The following DACH2 variants were observed in gnomAD, a reference collection of about 807,000 sequenced individuals.
DACH2 encodes dachshund family transcription factor 2, also known as dachshund homolog 2.
In DACH2, 17 loss-of-function variants were observed where a neutral mutation model predicts 35.8. That is an observed-to-expected ratio of 0.48 (90% CI 0.33 to 0.71). DACH2 has a LOEUF of 0.71. Among genes scored for constraint, DACH2 ranks in the 30% least tolerant of loss-of-function variants. The pLI is 0.02. For synonymous variants in DACH2, 195 were observed against 177.3 expected (o/e 1.10, Z -0.79); for missense variants, 469 against 472.7 (o/e 0.99, Z 0.07).
intron 7 of DACH2, among the ~76,000 whole-genome samples, chrX:86,759,184 G>C (rs146509772): frequency 0.029 from 3,217 of 111,052 alleles, 121 homozygotes; most frequent in African/African-American, 0.1. Context: ...TTTCTGTCTA[G>C]GTGATCTGTC....
chrX:86,247,232 A>G (rs933801877), intron 1 of DACH2, among the ~76,000 whole-genome samples: 1 of 111,509 alleles, frequency 9.0e-6, no homozygotes, highest in East Asian at 2.8e-4. Context: ...ACAATTGTGT[A>G]CCAACCCTAA....
chrX:86,300,222 T>G lies in DACH2; in HGVS notation c.489-76602T>G, dbSNP rs1042783097. 7.3e-5 allele frequency among the ~76,000 whole-genome samples: 8 copies of G among 110,241 alleles called. No individual in the cohort carries two copies. In the Admixed American group the frequency reaches 7.7e-4, roughly 11 times the overall value. ...ATGAAGAACCTTGAAGGAACTGAACTTTACTTCTTTGCGAAAAAAAAAATT... is the reference window on the plus strand; with the variant it reads ...ATGAAGAACCTTGAAGGAACTGAACGTTACTTCTTTGCGAAAAAAAAAATT... On this transcript the variant is annotated intron_variant, in intron 1 of 11. Coordinates refer to ENST00000373125, the MANE Select transcript of DACH2 (RefSeq NM_053281.3).
intron 7 of DACH2, among the ~76,000 whole-genome samples, chrX:86,794,380 T>C (rs1220474398): frequency 9.0e-6 from 1 of 110,934 alleles, no homozygotes; most frequent in Non-Finnish European, 1.9e-5. Context: ...TACATCTTAA[T>C]TTTAGTAGGA....
rs2039812515 is a variant in DACH2, at chrX:86,603,164, TC to T, written c.641-47871del. On this transcript the variant is annotated intron_variant, in intron 3 of 11. Transcript: ENST00000373125. ...TGGTTTGTAAGTGGCCTTTTCTTTT[TC>T]ATATTGTTTTTCCTCTATGTGTGCC... Among the ~76,000 whole-genome samples the T allele has an allele frequency of 2.7e-5, 3 of 111,124 alleles. No individual in the cohort carries two copies. The Admixed American group carries it at 2.9e-4, about 11-fold the overall frequency.
chrX:86,746,999 C>A (rs2041719585), intron 7 of DACH2, among the ~76,000 whole-genome samples: 1 of 111,720 alleles, frequency 9.0e-6, no homozygotes, highest in African/African-American at 3.2e-5. Flanking sequence ...AAAATCACTT[C>A]TCTGTAAAAT....
chrX:86,429,395 A>G (rs1040800597), intron 2 of DACH2, among the ~76,000 whole-genome samples: 3 of 111,425 alleles, frequency 2.7e-5, no homozygotes, highest in African/African-American at 9.8e-5. Context: ...ATGGGAAAAG[A>G]AAAGCACTTG....
intron 1 of DACH2, among the ~76,000 whole-genome samples, chrX:86,261,802 G>A (rs1200604453): frequency 9.0e-6 from 1 of 111,249 alleles, no homozygotes; most frequent in Non-Finnish European, 1.9e-5. Context: ...GCTTATTATA[G>A]CCTTCTGCAC....
At chrX:86,419,757 A>G (rs1253100955) in intron 2 of DACH2, among the ~76,000 whole-genome samples, 1 of 112,005 alleles carries the variant, frequency 8.9e-6, no homozygotes, top group Non-Finnish European at 1.9e-5. Flanking sequence ...TGATAACACC[A>G]CAAAGTAGTC....
At chrX:86,491,715 G>A (rs1042554427) in intron 2 of DACH2, among the ~76,000 whole-genome samples, 3 of 111,554 alleles carry the variant, frequency 2.7e-5, no homozygotes, top group African/African-American at 9.8e-5. Flanking sequence ...GTTTAAGAAA[G>A]AGAAAACAAA....
intron 3 of DACH2, among the ~76,000 whole-genome samples, chrX:86,622,380 C>A (rs185315839): frequency 1.8e-5 from 2 of 111,484 alleles, no homozygotes; most frequent in African/African-American, 6.5e-5. Context: ...GGAAGTCAAT[C>A]TTCAATTTTT....
At position 86,264,550 on chromosome X, in the gene DACH2, AC is replaced by A. The variant is rs771320966; in HGVS notation, c.489-112273del. Among the ~76,000 whole-genome samples the A allele has an allele frequency of 1.4e-3, 159 of 111,763 alleles. 1 individual carries two copies. The highest frequency in any genetic ancestry group is 3.8e-3 in the Admixed American group (40 of 10,455). On this transcript the variant is annotated intron_variant, in intron 1 of 11. Transcript: ENST00000373125. ...GAAACTGTAGGGTTGTATCCTTTATACTAAAAGCCTGATATCTTTACTAGTT... is the reference window on the plus strand; with the variant it reads ...GAAACTGTAGGGTTGTATCCTTTATATAAAAGCCTGATATCTTTACTAGTT...
chrX:86,744,499 G>A (rs1749818210), intron 7 of DACH2, among the ~76,000 whole-genome samples: 1 of 111,637 alleles, frequency 9.0e-6, no homozygotes, highest in Non-Finnish European at 1.9e-5. Flanking sequence ...TCTGCTTTGA[G>A]TATCATCATG....
chrX:86,445,819 G>C (rs1018135874), intron 2 of DACH2, among the ~76,000 whole-genome samples: 2 of 110,853 alleles, frequency 1.8e-5, no homozygotes, highest in African/African-American at 6.5e-5. Context: ...CAGTTGAGAA[G>C]GTTGTATATT....
At chrX:86,460,733 T>C (rs997021616) in intron 2 of DACH2, among the ~76,000 whole-genome samples, 1 of 111,064 alleles carries the variant, frequency 9.0e-6, no homozygotes, top group African/African-American at 3.3e-5. Context: ...AGCCTATATT[T>C]GGCAGTAGGT....
chrX:86,767,891 A>T (rs1401740020), intron 7 of DACH2, among the ~76,000 whole-genome samples: 1 of 111,830 alleles, frequency 8.9e-6, no homozygotes, highest in Non-Finnish European at 1.9e-5. Flanking sequence ...AAAGTATGTT[A>T]CAGACAATAA....
intron 3 of DACH2, among the ~76,000 whole-genome samples, chrX:86,604,799 A>T (rs182825973): frequency 9.0e-6 from 1 of 111,658 alleles, no homozygotes; most frequent in African/African-American, 3.2e-5. Context: ...GAAAGAGGAA[A>T]GTGAAAGTGG....
intron 1 of DACH2, among the ~76,000 whole-genome samples, chrX:86,206,361 C>A (rs146782113): frequency 9.0e-6 from 1 of 111,487 alleles, no homozygotes; most frequent in African/African-American, 3.3e-5. Flanking sequence ...GTGAAGAATG[C>A]GCTTCCCTGA....
intron 2 of DACH2, among the ~76,000 whole-genome samples, chrX:86,397,013 T>A (rs1473798000): frequency 9.0e-6 from 1 of 111,379 alleles, no homozygotes; most frequent in African/African-American, 3.3e-5. Flanking sequence ...TGATTCTTCC[T>A]ACCCGTGAGC....
At chrX:86,675,862 A>C (rs987029915) in intron 4 of DACH2, among the ~76,000 whole-genome samples, 4 of 111,666 alleles carry the variant, frequency 3.6e-5, no homozygotes, top group Non-Finnish European at 7.5e-5. Context: ...TTATATTATA[A>C]ACCAAGAGCC....
Sources: allele counts gnomAD v4.1 joint callset (sites outside exome capture counted in the v4.1 genomes callset), GRCh38; gene constraint gnomAD v4.1.1; transcripts MANE v1.5; gene names NCBI Gene and HGNC (gene_info 2026-07-23, HGNC 2026-07-21).